The following ASL variants were observed in gnomAD, a reference collection of about 807,000 sequenced individuals.
ASL encodes the protein argininosuccinate lyase.
ASL carries 51 observed loss-of-function variants against 69.1 expected under a neutral mutation model. That is an observed-to-expected ratio of 0.74 (90% CI 0.59 to 0.93). The LOEUF is 0.93. Ranked by LOEUF, ASL falls within the 40% of genes least tolerant of loss-of-function variation. The probability of loss-of-function intolerance (pLI) is 0.00; values close to 1 mark genes in which losing one functional copy is unlikely to be tolerated. For missense variants in ASL, 540 were observed against 623.9 expected (o/e 0.87, Z 1.43); for synonymous variants, 241 against 247.6 (o/e 0.97, Z 0.25).
intron 2 of ASL, among the ~76,000 whole-genome samples, chr7:66,078,508 T>G (rs1054817013): frequency 6.6e-6 from 1 of 152,120 alleles, no homozygotes; most frequent in African/African-American, 2.4e-5. Context: ...TAGTAACAGC[T>G]GGCATTTCTC....
intron 9 of ASL, 69 bp downstream of exon 9, chr7:66,087,455 C>T: frequency 1.3e-6 from 2 of 1,564,508 alleles, no homozygotes; most frequent in Non-Finnish European, 1.7e-6. Flanking sequence ...GCAGACACAC[C>T]TGAAACCAGA....
chr7:66,086,696 G>A (rs746934721), intron 7 of ASL, 34 bp downstream of exon 7: 6 of 1,612,994 alleles, frequency 3.7e-6, no homozygotes, highest in East Asian at 2.2e-5. Context: ...CTGTGCTAGA[G>A]GGGAGGACCC....
At chr7:66,088,396 G>C (rs997587517) in intron 10 of ASL, among the ~76,000 whole-genome samples, 1 of 151,874 alleles carries the variant, frequency 6.6e-6, no homozygotes, top group Non-Finnish European at 1.5e-5. Context: ...AAGGAGATTC[G>C]CTGGAACCTG....
intron 2 of ASL, among the ~76,000 whole-genome samples, chr7:66,080,530 C>T (rs1369518578): frequency 1.3e-5 from 2 of 151,924 alleles, no homozygotes; most frequent in East Asian, 3.9e-4. Context: ...CGAGACCAGC[C>T]TGACCAACAT....
chr7:66,083,632 C>T (rs906390428), intron 6 of ASL, among the ~76,000 whole-genome samples: 3 of 151,372 alleles, frequency 2.0e-5, no homozygotes, highest in African/African-American at 4.9e-5. Flanking sequence ...TGCAATGAGC[C>T]GAGATCGCGC....
In ASL at chr7:66,083,126, C is replaced by G. The variant is rs748203708; in HGVS notation, c.398C>G (p.Ser133Trp). Reference sequence around the variant, plus strand: ...ATGCGGCAGACCTGCTCCACGCTCTCGGGCCTCCTCTGGGAGCTCATTAGG... The same window carrying G: ...ATGCGGCAGACCTGCTCCACGCTCTGGGGCCTCCTCTGGGAGCTCATTAGG... ...LWMRQTCSTLSGLLWELIRTM... is the reference protein window; with the variant it reads ...LWMRQTCSTLWGLLWELIRTM... Residue 133 changes from serine (S) to tryptophan (W), a missense_variant, in exon 6 of 17, where the codon TCG becomes TGG. Ser to Trp is a radical substitution (Grantham distance 177). Transcript: ENST00000304874. 3.1e-6 allele frequency: 5 copies of G among 1,613,532 alleles called. No individual in the cohort carries two copies. The highest frequency in any genetic ancestry group is 1.3e-5 in the African/African-American group (1 of 75,014).
rs564735357 is a variant in ASL, at chr7:66,081,824, C to T, written c.34C>T (p.Arg12Trp). ...CCAGAGTGGGAAGCTTTGGGGTGGCCGGTTTGTGGGTGCAGTGGACCCCAT... is the reference window on the plus strand; with the variant it reads ...CCAGAGTGGGAAGCTTTGGGGTGGCTGGTTTGTGGGTGCAGTGGACCCCAT... ...ASESGKLWGGRFVGAVDPIME... is the reference protein window; with the variant it reads ...ASESGKLWGGWFVGAVDPIME... The change falls in exon 3 of 17, where the codon CGG becomes TGG. Residue 12 changes from arginine to tryptophan, a missense_variant. Coordinates refer to ENST00000304874, the MANE Select transcript of ASL (RefSeq NM_000048.4). The T allele has an allele frequency of 5.0e-6, 8 of 1,613,512 alleles. No individual in the cohort carries two copies. The highest frequency in any genetic ancestry group is 1.7e-5 in the Admixed American group (1 of 59,950).
chr7:66,078,837 G>A (rs1786421769), intron 2 of ASL, among the ~76,000 whole-genome samples: 1 of 152,136 alleles, frequency 6.6e-6, no homozygotes, highest in Non-Finnish European at 1.5e-5. Flanking sequence ...GTTTCACCAT[G>A]TTGGCCAGGC....
At chr7:66,091,054 C>A (rs887325673) in intron 14 of ASL, among the ~76,000 whole-genome samples, 1 of 146,884 alleles carries the variant, frequency 6.8e-6, no homozygotes, top group Non-Finnish European at 1.5e-5. Context: ...GCAGAGATCA[C>A]GCCACTGCGC....
chr7:66,084,544 G>C (rs773490096), intron 6 of ASL, among the ~76,000 whole-genome samples: 4 of 151,924 alleles, frequency 2.6e-5, no homozygotes, highest in Non-Finnish European at 4.4e-5. Context: ...CAATGGCTTG[G>C]TAATAGCTCA....
At chr7:66,078,743 T>G (rs1230698284) in intron 2 of ASL, among the ~76,000 whole-genome samples, 1 of 151,594 alleles carries the variant, frequency 6.6e-6, no homozygotes, top group African/African-American at 2.4e-5. Flanking sequence ...CAAGTGATTC[T>G]CCTGCTTCAG....
At chr7:66,092,533 GC>G in intron 15 of ASL, 23 bp from the exon 16 acceptor site, 1 of 1,597,596 alleles carries the variant, frequency 6.3e-7, no homozygotes, top group Non-Finnish European at 8.5e-7. Context: ...CTGCCTCAGC[GC>G]CATCTTCCTC....
intron 10 of ASL, among the ~76,000 whole-genome samples, chr7:66,088,158 T>A (rs1786724522): frequency 6.6e-6 from 1 of 151,458 alleles, no homozygotes; most frequent in South Asian, 2.1e-4. Flanking sequence ...AGAGCGAAAC[T>A]CCATCTCAAA....
rs373861796 is a variant in ASL at position 66,089,220 on chromosome 7, G to C, written c.918+45G>C. The C allele has an allele frequency of 6.9e-5, 112 of 1,612,358 alleles. No individual in the cohort carries two copies. The African/African-American group carries it at 1.3e-3, about 18-fold the overall frequency. ...GGGCGGGGCCTCTGGGCTGATGGTG[G>C]GTGGCCAGGGGGGCAGGATCCCGGG... is the stretch of plus-strand genomic sequence containing the variant. On this transcript the variant is annotated intron_variant, in intron 12 of 16. Coordinates refer to ENST00000304874, the MANE Select transcript of ASL (RefSeq NM_000048.4).
In ASL at chr7:66,093,404, C is replaced by G. The variant is rs1055757094; in HGVS notation, c.*492C>G. 8 of 270,116 alleles carry G rather than the reference C, an allele frequency of 3.0e-5. No individual in the cohort carries two copies. The highest frequency in any genetic ancestry group is 5.8e-5 in the Non-Finnish European group (8 of 136,814). 16.7% of individuals were successfully genotyped at this position (270,116 alleles called of 1,614,324 possible). ...TCGTAGACGGGAAGGGAAGAGGGGGCTCCCATCATAGCCTCTGCTCTGTCC... is the reference window on the plus strand; with the variant it reads ...TCGTAGACGGGAAGGGAAGAGGGGGGTCCCATCATAGCCTCTGCTCTGTCC... On this transcript the variant is annotated 3_prime_UTR_variant, in exon 17 of 17. Transcript: ENST00000304874.
At chr7:66,076,215 T>A in intron 2 of ASL, 122 bp downstream of exon 2, 1 of 1,323,836 alleles carries the variant, frequency 7.6e-7, no homozygotes, top group Non-Finnish European at 1.1e-6. Flanking sequence ...GAAAATTACC[T>A]AGGAAGCCTG....
Position 66,076,147 on chromosome 7 carries a change from G to A in ASL, c.12+54G>A. The A allele has an allele frequency of 1.9e-6, 3 of 1,569,850 alleles. No homozygotes were observed. In the South Asian group the frequency reaches 3.5e-5, roughly 18 times the overall value. On this transcript the variant is annotated intron_variant, in intron 2 of 16. Coordinates refer to ENST00000304874, the MANE Select transcript of ASL (RefSeq NM_000048.4). ...TCCTAGCCTCCAAAGGAGAGAGTGG[G>A]GGCGCCAGACCTGCCTCGGGCCACC...
chr7:66,088,452 G>A (rs1032269530), intron 10 of ASL, among the ~76,000 whole-genome samples: 3 of 152,182 alleles, frequency 2.0e-5, no homozygotes, highest in African/African-American at 7.2e-5. Flanking sequence ...CTGTACTCCA[G>A]CCTGTGCATT....
At position 66,092,980 on chromosome 7, in the gene ASL, C is replaced by G; in HGVS notation, c.*68C>G. Reference sequence around the variant, plus strand: ...GGCTGCTGTGTGTTTCCTGCCCCAGCCTGGCTCCCTCGTTGCTGGGCTTTC... The same window carrying G: ...GGCTGCTGTGTGTTTCCTGCCCCAGGCTGGCTCCCTCGTTGCTGGGCTTTC... On this transcript the variant is annotated 3_prime_UTR_variant, in exon 17 of 17. Transcript: ENST00000304874. The G allele has an allele frequency of 1.3e-6, 2 of 1,544,786 alleles. No homozygotes were observed. Among genetic ancestry groups the G allele is most frequent in the East Asian group, 2.4e-5 (1 of 41,390 alleles).
Sources: allele counts gnomAD v4.1 joint callset (sites outside exome capture counted in the v4.1 genomes callset), GRCh38; gene constraint gnomAD v4.1.1; transcripts MANE v1.5; gene names NCBI Gene and HGNC (gene_info 2026-07-23, HGNC 2026-07-21).